Variants in AGBL1 observed in about 807,000 individuals in gnomAD.
AGBL1 encodes the protein AGBL carboxypeptidase 1, also known as cytosolic carboxypeptidase 4.
A neutral mutation model predicts 118.9 loss-of-function variants in AGBL1; 130 were observed. That is an observed-to-expected ratio of 1.09 (90% CI 0.95 to 1.26). The LOEUF (loss-of-function observed/expected upper bound fraction) is 1.26. Among genes scored for constraint, AGBL1 ranks in the 50% most tolerant of loss-of-function variants. The probability of loss-of-function intolerance (pLI) is 0.00; values close to 1 mark genes in which losing one functional copy is unlikely to be tolerated. For missense variants in AGBL1, 1,584 were observed against 1,298.1 expected, an observed-to-expected ratio of 1.22 and a Z score of -3.38; for synonymous variants, 555 against 478.9, an observed-to-expected ratio of 1.16 and a Z score of -2.08.
intron 22 of AGBL1, among the ~76,000 whole-genome samples, chr15:86,847,650 A>G (rs192822011): frequency 5.3e-5 from 8 of 152,286 alleles, no homozygotes; most frequent in Admixed American, 5.2e-4. Flanking sequence ...CCCTCTGCCA[A>G]CGGATCTGTG....
chr15:86,397,295 A>G (rs1876126172), intron 17 of AGBL1, 71 bp from the exon 18 acceptor site: 1 of 1,129,388 alleles, frequency 8.9e-7, no homozygotes, highest in Non-Finnish European at 1.2e-6. Flanking sequence ...GCAAAAAAGA[A>G]GTTTAGAAAA....
At chr15:86,713,333 T>A (rs903656603) in intron 22 of AGBL1, among the ~76,000 whole-genome samples, 7 of 152,174 alleles carry the variant, frequency 4.6e-5, no homozygotes, top group Non-Finnish European at 1.0e-4. Context: ...AAAATGTGTA[T>A]GTTATGAAGC....
At chr15:87,025,706 A>G (rs574521717) in intron 24 of AGBL1, among the ~76,000 whole-genome samples, 29 of 151,600 alleles carry the variant, frequency 1.9e-4, no homozygotes, top group African/African-American at 6.3e-4. Context: ...GCAAAGCAAG[A>G]CTAAGCAAAA....
intron 21 of AGBL1, among the ~76,000 whole-genome samples, chr15:86,593,955 CT>C: frequency 6.6e-6 from 1 of 151,312 alleles, no homozygotes. Flanking sequence ...CAGAGTTTTG[CT>C]CTGTCACTCA....
intron 23 of AGBL1, among the ~76,000 whole-genome samples, chr15:86,968,217 G>T (rs1316508894): frequency 1.3e-5 from 2 of 151,768 alleles, no homozygotes; most frequent in Non-Finnish European, 2.9e-5. Flanking sequence ...AGAAGGCCTA[G>T]ATTACCTCCT....
At chr15:86,848,249 G>C (rs1270215478) in intron 22 of AGBL1, among the ~76,000 whole-genome samples, 1 of 152,002 alleles carries the variant, frequency 6.6e-6, no homozygotes, top group Non-Finnish European at 1.5e-5. Context: ...GTATGCATTT[G>C]GTTGATTTCC....
Position 86,725,241 on chromosome 15 carries a change from G to T in AGBL1, c.3158+50805G>T, listed in dbSNP as rs77905212. On this transcript the variant is annotated intron_variant, in intron 22 of 22. Coordinates refer to ENST00000614907, the MANE Select transcript of AGBL1 (RefSeq NM_001386094.1). Reference sequence around the variant, plus strand: ...TGTTTCATTCAAGGAGCTCATAGGAGCTCTGGTTCTCATGTATTTCCAAGA... The same window carrying T: ...TGTTTCATTCAAGGAGCTCATAGGATCTCTGGTTCTCATGTATTTCCAAGA... Among the ~76,000 whole-genome samples the T allele has an allele frequency of 9.3e-3, 1,422 of 152,290 alleles. 22 individuals are homozygous for T. Among genetic ancestry groups the T allele is most frequent in the African/African-American group, 0.031 (1,309 of 41,560 alleles).
chr15:86,360,141 G>T (rs1442271336), intron 17 of AGBL1, among the ~76,000 whole-genome samples: 1 of 151,780 alleles, frequency 6.6e-6, no homozygotes, highest in Non-Finnish European at 1.5e-5. Context: ...AACACTTTTG[G>T]CTTTCCCTAT....
intron 17 of AGBL1, among the ~76,000 whole-genome samples, chr15:86,320,199 GA>G (rs2080083081): frequency 6.6e-6 from 1 of 151,946 alleles, no homozygotes; most frequent in South Asian, 2.1e-4. Flanking sequence ...TTCCTATCGG[GA>G]AAAAAGGACA....
chr15:86,655,018 G>T (rs1393598997), intron 21 of AGBL1, among the ~76,000 whole-genome samples: 1 of 152,128 alleles, frequency 6.6e-6, no homozygotes, highest in Non-Finnish European at 1.5e-5. Context: ...TGTTAGCCAA[G>T]AATTCATACT....
chr15:86,282,862 T>A (rs2079376921), intron 16 of AGBL1, among the ~76,000 whole-genome samples: 1 of 152,220 alleles, frequency 6.6e-6, no homozygotes, highest in Non-Finnish European at 1.5e-5. Context: ...GAGTCTCCTA[T>A]AATATGGATT....
intron 21 of AGBL1, among the ~76,000 whole-genome samples, chr15:86,638,670 C>G (rs1433795913): frequency 6.6e-6 from 1 of 152,094 alleles, no homozygotes; most frequent in Non-Finnish European, 1.5e-5. Flanking sequence ...GCCAGGAGGA[C>G]TTAGTGGGGA....
chr15:86,546,000 A>C lies in AGBL1; in HGVS notation c.2686-2A>C, dbSNP rs751102581. On this transcript the variant is annotated splice_acceptor_variant, in intron 19 of 22. Transcript: ENST00000614907. LOFTEE classifies it high-confidence loss of function. ...ATTTTCTCCTTTGTTGGGCTATTGT[A>C]GGTTTTCTGTGACTTCCATGGCCAC... 1 of 1,612,486 alleles carries C rather than the reference A, an allele frequency of 6.2e-7. No homozygotes were observed. Among genetic ancestry groups the C allele is most frequent in the South Asian group, 1.1e-5 (1 of 91,006 alleles).
intron 22 of AGBL1, among the ~76,000 whole-genome samples, chr15:86,768,368 G>A (rs922962250): frequency 5.9e-5 from 9 of 151,888 alleles, no homozygotes; most frequent in Admixed American, 5.9e-4. Flanking sequence ...TAACATTACT[G>A]CTATAGCCCG....
At chr15:86,701,892 C>T (rs920266674) in intron 22 of AGBL1, among the ~76,000 whole-genome samples, 3 of 148,586 alleles carry the variant, frequency 2.0e-5, no homozygotes, top group Non-Finnish European at 4.5e-5. Flanking sequence ...CTTTCCTTCC[C>T]TTTCTTTCAC....
intron 21 of AGBL1, among the ~76,000 whole-genome samples, chr15:86,598,384 T>C (rs964977927): frequency 1.2e-4 from 18 of 152,108 alleles, no homozygotes; most frequent in African/African-American, 4.1e-4. Context: ...CCAGAGGCTA[T>C]GGAGATTGAC....
At chr15:86,814,664 A>G (rs1036731372) in intron 22 of AGBL1, among the ~76,000 whole-genome samples, 1 of 152,164 alleles carries the variant, frequency 6.6e-6, no homozygotes, top group African/African-American at 2.4e-5. Context: ...AAATGATTCT[A>G]TTATCATGGT....
intron 17 of AGBL1, among the ~76,000 whole-genome samples, chr15:86,375,062 C>A (rs1365771936): frequency 6.6e-6 from 1 of 152,222 alleles, no homozygotes; most frequent in Non-Finnish European, 1.5e-5. Flanking sequence ...CTCTACTCAG[C>A]CACTTGGGTT....
intron 23 of AGBL1, among the ~76,000 whole-genome samples, chr15:86,950,597 T>C (rs1468159647): frequency 6.6e-6 from 1 of 151,540 alleles, no homozygotes; most frequent in Non-Finnish European, 1.5e-5. Context: ...CTACTAAAAT[T>C]AAGATATTTT....
Sources: allele counts gnomAD v4.1 joint callset (sites outside exome capture counted in the v4.1 genomes callset), GRCh38; gene constraint gnomAD v4.1.1; transcripts MANE v1.5; gene names NCBI Gene and HGNC (gene_info 2026-07-23, HGNC 2026-07-21).